Variants in IQGAP2 observed in about 807,000 individuals in gnomAD.
IQGAP2 encodes the protein IQ motif containing GTPase activating protein 2.
In IQGAP2, 173 loss-of-function variants were observed where a neutral mutation model predicts 201.3. The ratio of observed to expected loss-of-function variants is 0.86; its 90% confidence interval spans 0.76 to 0.98. IQGAP2 has a LOEUF of 0.98. Among genes scored for constraint, IQGAP2 ranks in the 50% least tolerant of loss-of-function variants. The pLI, the probability that IQGAP2 is intolerant of heterozygous loss-of-function variation, is 0.00. For missense variants in IQGAP2, 1,687 were observed against 1,864.8 expected (o/e 0.90, Z 1.76); for synonymous variants, 675 against 673.9 (o/e 1.00, Z -0.03).
intron 1 of IQGAP2, among the ~76,000 whole-genome samples, chr5:76,415,052 A>G (rs1321837059): frequency 1.3e-5 from 2 of 152,252 alleles, no homozygotes; most frequent in Non-Finnish European, 2.9e-5. Flanking sequence ...CTAGAAGGTT[A>G]TGCAAATAAT....
chr5:76,522,636 A>G (rs905774360), intron 2 of IQGAP2, among the ~76,000 whole-genome samples: 1 of 152,242 alleles, frequency 6.6e-6, no homozygotes, highest in Non-Finnish European at 1.5e-5. Flanking sequence ...GCAGCACTCA[A>G]AATGAATTTA....
intron 2 of IQGAP2, among the ~76,000 whole-genome samples, chr5:76,511,362 G>A (rs1209661343): frequency 6.6e-6 from 1 of 152,178 alleles, no homozygotes; most frequent in African/African-American, 2.4e-5. Flanking sequence ...AAGGACAAAA[G>A]GAGTGGGGGA....
chr5:76,642,695 C>G (rs1284862163), intron 17 of IQGAP2, among the ~76,000 whole-genome samples: 1 of 152,176 alleles, frequency 6.6e-6, no homozygotes, highest in Non-Finnish European at 1.5e-5. Context: ...CTACGTAAAA[C>G]ACTGTGAGCT....
intron 1 of IQGAP2, among the ~76,000 whole-genome samples, chr5:76,407,508 T>G (rs1750862281): frequency 6.6e-6 from 1 of 152,234 alleles, no homozygotes; most frequent in Admixed American, 6.5e-5. Context: ...TGCTTTCGTT[T>G]GAACCATAGA....
At chr5:76,626,385 G>A (rs1040795136) in intron 13 of IQGAP2, among the ~76,000 whole-genome samples, 15 of 136,258 alleles carry the variant, frequency 1.1e-4, no homozygotes, top group Non-Finnish European at 1.2e-4. Context: ...CAATCCTCCC[G>A]CCTTCCTCCC....
chr5:76,607,041 A>G (rs951017722), intron 12 of IQGAP2: 1 of 152,170 alleles, frequency 6.6e-6, no homozygotes, highest in Non-Finnish European at 1.5e-5. Flanking sequence ...ACAGTGGGTG[A>G]GTGTTGCTAA....
At chr5:76,652,862 G>A (rs1417009575) in intron 18 of IQGAP2, 29 bp downstream of exon 18, 3 of 1,368,078 alleles carry the variant, frequency 2.2e-6, no homozygotes, top group Admixed American at 1.7e-5. Flanking sequence ...CATACCAAGT[G>A]CTTGGCTTAA....
Position 76,554,927 on chromosome 5 carries a change from G to C in IQGAP2, c.147-7469G>C, listed in dbSNP as rs549434609. Among the ~76,000 whole-genome samples, 7 of 152,062 alleles carry C rather than the reference G, an allele frequency of 4.6e-5. No individual in the cohort carries two copies. In the East Asian group the frequency reaches 1.4e-3, roughly 29 times the overall value. Reference sequence around the variant, plus strand: ...GAAAATAACATGTCCAAAAACTGATGAATAAATAAATAAATGTGATATATC... The same window carrying C: ...GAAAATAACATGTCCAAAAACTGATCAATAAATAAATAAATGTGATATATC... On this transcript the variant is annotated intron_variant, in intron 2 of 35. Transcript: ENST00000274364.
At position 76,695,442 on chromosome 5, in the gene IQGAP2, T is replaced by C; in HGVS notation, c.3994-12T>C. 6.2e-7 allele frequency: 1 copy of C among 1,610,144 alleles called. No individual in the cohort carries two copies. Among genetic ancestry groups the C allele is most frequent in the Non-Finnish European group, 8.5e-7 (1 of 1,176,414 alleles). The stretch of plus-strand genomic sequence containing the variant: ...TCAGAGAAAACTCAGCATCTTGATA[T>C]TCTCTTTTCAGGAGGTAGACCATGC... On this transcript the variant is annotated splice_polypyrimidine_tract_variant and intron_variant, in intron 31 of 35. Transcript: ENST00000274364.
intron 2 of IQGAP2, among the ~76,000 whole-genome samples, chr5:76,492,347 T>C (rs1056417623): frequency 7.2e-5 from 11 of 151,930 alleles, no homozygotes; most frequent in African/African-American, 2.7e-4. Flanking sequence ...GAAGGCAGAG[T>C]GGGAGCAAGC....
chr5:76,561,525 G>C (rs1232689473), intron 2 of IQGAP2, among the ~76,000 whole-genome samples: 1 of 152,126 alleles, frequency 6.6e-6, no homozygotes, highest in Non-Finnish European at 1.5e-5. Context: ...TCAGTAGCTG[G>C]GTGGCAGGGA....
intron 2 of IQGAP2, among the ~76,000 whole-genome samples, chr5:76,489,011 G>A (rs980062709): frequency 1.3e-5 from 2 of 152,166 alleles, no homozygotes; most frequent in African/African-American, 2.4e-5. Context: ...AGGGTCACAC[G>A]ACTGGAAAAG....
At chr5:76,471,739 A>C (rs1426954973) in intron 2 of IQGAP2, among the ~76,000 whole-genome samples, 1 of 152,082 alleles carries the variant, frequency 6.6e-6, no homozygotes, top group African/African-American at 2.4e-5. Context: ...CTGACTGGGG[A>C]ATACTTTAGA....
At chr5:76,628,212 T>C (rs1750413636) in intron 14 of IQGAP2, among the ~76,000 whole-genome samples, 1 of 152,196 alleles carries the variant, frequency 6.6e-6, no homozygotes, top group South Asian at 2.1e-4. Flanking sequence ...TAGGAGAAAG[T>C]ACATAATCAG....
intron 2 of IQGAP2, among the ~76,000 whole-genome samples, chr5:76,479,434 T>G (rs1041868006): frequency 2.0e-5 from 3 of 152,108 alleles, no homozygotes; most frequent in African/African-American, 7.2e-5. Context: ...ATGGATCGCT[T>G]TGGGGAACAC....
chr5:76,619,862 G>T (rs1287270941), intron 13 of IQGAP2, among the ~76,000 whole-genome samples: 1 of 152,074 alleles, frequency 6.6e-6, no homozygotes, highest in Non-Finnish European at 1.5e-5. Flanking sequence ...GCCTGGGTGG[G>T]TCAAATATAA....
At chr5:76,410,594 G>C (rs375986701) in intron 1 of IQGAP2, among the ~76,000 whole-genome samples, 1 of 152,160 alleles carries the variant, frequency 6.6e-6, no homozygotes, top group African/African-American at 2.4e-5. Flanking sequence ...TTTGCCAGAG[G>C]GTTTTGCCGA....
At chr5:76,534,353 C>T (rs1391049414) in intron 2 of IQGAP2, among the ~76,000 whole-genome samples, 1 of 152,112 alleles carries the variant, frequency 6.6e-6, no homozygotes, top group Non-Finnish European at 1.5e-5. Context: ...TGAGAAAGCC[C>T]CCTGTAGGAG....
intron 3 of IQGAP2, among the ~76,000 whole-genome samples, chr5:76,563,798 G>T (rs1042209352): frequency 2.6e-5 from 4 of 152,036 alleles, no homozygotes; most frequent in Admixed American, 2.0e-4. Context: ...TCTTACAGCT[G>T]TAGGGAATAT....
Sources: gnomAD v4.1 joint callset for allele counts (sites outside exome capture counted in the v4.1 genomes callset) on GRCh38, gnomAD v4.1.1 for gene constraint, MANE v1.5 for transcripts, NCBI Gene and HGNC (gene_info 2026-07-23, HGNC 2026-07-21) for gene names.